SH3BP5: variants seen among roughly 807,000 people sequenced by gnomAD.
SH3BP5 encodes the protein SH3 domain binding protein 5, also known as SH3 domain-binding protein 5.
SH3BP5 carries 22 observed loss-of-function variants against 43.3 expected under a neutral mutation model. That is an observed-to-expected ratio of 0.51 (90% CI 0.36 to 0.73). The LOEUF (loss-of-function observed/expected upper bound fraction) is 0.73. Ranked by LOEUF, SH3BP5 falls within the 30% of genes least tolerant of loss-of-function variation. The pLI, the probability that SH3BP5 is intolerant of heterozygous loss-of-function variation, is 0.00. For synonymous variants in SH3BP5, 255 were observed against 225.8 expected (o/e 1.13, Z -1.16); for missense variants, 529 against 586.9 (o/e 0.90, Z 1.02).
chr3:15,281,779 G>C (rs537941823), intron 3 of SH3BP5, among the ~76,000 whole-genome samples: 167 of 152,272 alleles, frequency 1.1e-3, no homozygotes, highest in African/African-American at 3.8e-3. Flanking sequence ...GAGGCAGGTG[G>C]ATTACATGAG....
At chr3:15,308,017 C>G (rs879655804) in intron 2 of SH3BP5, among the ~76,000 whole-genome samples, 1 of 151,930 alleles carries the variant, frequency 6.6e-6, no homozygotes, top group Non-Finnish European at 1.5e-5. Flanking sequence ...AAAATGAATT[C>G]TCAAACTTTT....
chr3:15,256,120 A>G lies in SH3BP5; in HGVS notation c.1334T>C (p.Ile445Thr). The G allele has an allele frequency of 6.2e-7, 1 of 1,614,190 alleles. No homozygotes were observed. The highest frequency in any genetic ancestry group is 1.1e-5 in the South Asian group (1 of 91,088). The change falls in exon 9 of 9, where the codon ATT (isoleucine) becomes ACT (threonine). Residue 445 changes from isoleucine (I) to threonine (T), a missense_variant. Coordinates refer to ENST00000383791, the MANE Select transcript of SH3BP5 (RefSeq NM_004844.5). ...CTGCACCATTTTTATGTCAGCAATA[A>G]TTCCATCTCTTCCCTTTGAGCACTG... ...SLQCSKGRDG[I>T]IADIKMVQIG
At chr3:15,303,451 T>A (rs1697807518) in intron 3 of SH3BP5, among the ~76,000 whole-genome samples, 1 of 152,070 alleles carries the variant, frequency 6.6e-6, no homozygotes, top group South Asian at 2.1e-4. Context: ...GTGACACAAG[T>A]GGCACATCGC....
At chr3:15,265,512 T>TCACACACACACACACACA (rs368955496) in intron 4 of SH3BP5, among the ~76,000 whole-genome samples, 2,404 of 107,874 alleles carry the variant, frequency 0.022, 85 homozygotes, top group Admixed American at 0.03. Context: ...CGAGACTCCG[T>TCACACACACACACACACA]CACACACACA....
chr3:15,291,409 A>G (rs1478077609), intron 3 of SH3BP5, among the ~76,000 whole-genome samples: 2 of 152,202 alleles, frequency 1.3e-5, no homozygotes, highest in Non-Finnish European at 1.5e-5. Context: ...GATTTAGCAA[A>G]TAAAAATATA....
upstream of SH3BP5, chr3:15,332,993 G>C (rs1261752147): frequency 2.8e-6 from 2 of 719,556 alleles, no homozygotes; most frequent in East Asian, 2.6e-4. Flanking sequence ...GCGAACCTTG[G>C]GAATGGCGGA....
At chr3:15,270,436 C>T (rs962070263) in intron 3 of SH3BP5, among the ~76,000 whole-genome samples, 1 of 152,192 alleles carries the variant, frequency 6.6e-6, no homozygotes, top group Non-Finnish European at 1.5e-5. Context: ...CTCTGCCAGA[C>T]AGTCTCCCAC....
At chr3:15,315,250 A>G (rs1698156878) in intron 2 of SH3BP5, among the ~76,000 whole-genome samples, 1 of 151,978 alleles carries the variant, frequency 6.6e-6, no homozygotes, top group Non-Finnish European at 1.5e-5. Context: ...AGCCAGTGAC[A>G]CTTCCCCTCC....
At chr3:15,337,018 A>G (rs887646503), upstream of SH3BP5, among the ~76,000 whole-genome samples, 39 of 151,896 alleles carry the variant, frequency 2.6e-4, no homozygotes, top group African/African-American at 9.2e-4. Flanking sequence ...TAGCTAAGCT[A>G]AAGTGCTGGA....
chr3:15,274,613 C>T (rs1173942810), intron 3 of SH3BP5, among the ~76,000 whole-genome samples: 1 of 152,172 alleles, frequency 6.6e-6, no homozygotes, highest in Non-Finnish European at 1.5e-5. Flanking sequence ...CCTGCCTCAG[C>T]CTCCTGAGTA....
intron 1 of SH3BP5, among the ~76,000 whole-genome samples, chr3:15,331,423 T>TAAA (rs568234272): frequency 2.6e-5 from 4 of 152,038 alleles, no homozygotes; most frequent in African/African-American, 9.7e-5. Context: ...GCAATTTTTT[T>TAAA]AAAAAAATGA....
chr3:15,312,401 T>A (rs1233072519), intron 2 of SH3BP5, among the ~76,000 whole-genome samples: 1 of 152,228 alleles, frequency 6.6e-6, no homozygotes, highest in Admixed American at 6.5e-5. Flanking sequence ...GAAATAAATG[T>A]CTTTTGATTT....
At chr3:15,325,337 C>T (rs1698432856) in intron 2 of SH3BP5, among the ~76,000 whole-genome samples, 2 of 152,250 alleles carry the variant, frequency 1.3e-5, no homozygotes, top group Admixed American at 6.5e-5. Context: ...CTCACTGCCT[C>T]CTCTTCCATC....
At chr3:15,256,360 A>G (rs764199957) in intron 8 of SH3BP5, 57 bp from the exon 9 acceptor site, 24 of 1,525,356 alleles carry the variant, frequency 1.6e-5, no homozygotes, top group African/African-American at 1.1e-4. Flanking sequence ...CCTGTCTCCT[A>G]TAGAAATACA....
chr3:15,328,030 G>A (rs1237429457), intron 2 of SH3BP5, among the ~76,000 whole-genome samples: 5 of 151,910 alleles, frequency 3.3e-5, no homozygotes, highest in East Asian at 1.9e-4. Flanking sequence ...TTTTTAATGC[G>A]TCTACTAGGG....
intron 2 of SH3BP5, 105 bp downstream of exon 2, chr3:15,330,398 AG>A: frequency 3.4e-6 from 3 of 890,286 alleles, no homozygotes; most frequent in Non-Finnish European, 5.6e-6. Flanking sequence ...ACTCCCAAGG[AG>A]GGGGGTCCAG....
chr3:15,280,337 C>T (rs925206713), intron 3 of SH3BP5, among the ~76,000 whole-genome samples: 1 of 151,934 alleles, frequency 6.6e-6, no homozygotes, highest in Non-Finnish European at 1.5e-5. Flanking sequence ...TGGCCAGGTG[C>T]AAGGCAGGGG....
chr3:15,277,822 C>T (rs1170208361), intron 3 of SH3BP5, among the ~76,000 whole-genome samples: 1 of 151,954 alleles, frequency 6.6e-6, no homozygotes, highest in Non-Finnish European at 1.5e-5. Flanking sequence ...ACCCCCCCAG[C>T]ACTTGGCCAA....
intron 8 of SH3BP5, 190 bp from the exon 9 acceptor site, chr3:15,256,493 AATC>A (rs1383883449): frequency 9.3e-6 from 6 of 646,030 alleles, no homozygotes; most frequent in Non-Finnish European, 1.6e-5. Flanking sequence ...CTCAGTACAT[AATC>A]ATTTACTGCT....
Sources: gnomAD v4.1 joint callset for allele counts (sites outside exome capture counted in the v4.1 genomes callset) on GRCh38, gnomAD v4.1.1 for gene constraint, MANE v1.5 for transcripts, NCBI Gene and HGNC (gene_info 2026-07-23, HGNC 2026-07-21) for gene names.